The following ELP1 variants were observed in gnomAD, a reference collection of about 807,000 sequenced individuals.
ELP1 encodes the protein elongator complex protein 1.
Under a neutral mutation model 183.2 loss-of-function variants are expected in ELP1, and 131 were observed. The ratio of observed to expected loss-of-function variants is 0.72; its 90% CI spans 0.62 to 0.83. The LOEUF is 0.83. ELP1 is among the 40% of genes least tolerant of loss of function. ELP1 has a pLI of 0.00. For synonymous variants in ELP1, 555 were observed against 569.0 expected (o/e 0.98, Z 0.35); for missense variants, 1,550 against 1,594.9 (o/e 0.97, Z 0.48).
At chr9:108,907,124 T>A (rs1255181593) in intron 13 of ELP1, among the ~76,000 whole-genome samples, 1 of 152,174 alleles carries the variant, frequency 6.6e-6, no homozygotes, top group Non-Finnish European at 1.5e-5. Context: ...TGCATTCACA[T>A]AGAGTATCCC....
intron 9 of ELP1, among the ~76,000 whole-genome samples, chr9:108,916,977 C>G (rs1005574619): frequency 1.3e-5 from 2 of 152,130 alleles, no homozygotes; most frequent in Admixed American, 6.5e-5. Flanking sequence ...AAAAATTATG[C>G]TTTTGTCAAA....
At chr9:108,900,635 T>C (rs1006241064) in intron 18 of ELP1, among the ~76,000 whole-genome samples, 7 of 152,204 alleles carry the variant, frequency 4.6e-5, no homozygotes, top group Non-Finnish European at 5.9e-5. Context: ...CAGTTAAGAA[T>C]TGGGGCAACT....
chr9:108,872,640 T>C (rs1360776585), intron 36 of ELP1, among the ~76,000 whole-genome samples: 2 of 150,844 alleles, frequency 1.3e-5, no homozygotes. Flanking sequence ...CCGTCTCTAC[T>C]AAAAATACAA....
At chr9:108,900,148 C>T in intron 19 of ELP1, 112 bp downstream of exon 19, 1 of 857,934 alleles carries the variant, frequency 1.2e-6, no homozygotes. Context: ...GAAAGGTTTA[C>T]AATAAACGAT....
intron 6 of ELP1, among the ~76,000 whole-genome samples, chr9:108,921,618 G>A (rs11791845): frequency 0.22 from 33,212 of 151,726 alleles, 4,461 homozygotes; most frequent in East Asian, 0.3. Context: ...AAATCAGGGG[G>A]ACATGAAAAC....
At chr9:108,912,819 ATC>A (rs1258935991) in intron 10 of ELP1, among the ~76,000 whole-genome samples, 3 of 149,476 alleles carry the variant, frequency 2.0e-5, no homozygotes, top group African/African-American at 7.4e-5. Flanking sequence ...CAGTGGCGCA[ATC>A]TCGGCTCACT....
Position 108,900,009 on chromosome 9 carries a change from GCA to G in ELP1, c.2131-116_2131-115del, listed in dbSNP as rs373244817. On this transcript the variant is annotated intron_variant, in intron 19 of 36. Coordinates refer to ENST00000374647, the MANE Select transcript of ELP1 (RefSeq NM_003640.5). ...GAATTACCACAACTCTCTAAAATCA[GCA>G]CACTTTTAGCAGAATCTTGTTGTTC... The G allele has an allele frequency of 1.7e-5, 16 of 918,276 alleles. 1 individual carries two copies. The highest frequency in any genetic ancestry group is 1.3e-4 in the African/African-American group (8 of 60,696). The allele number at this position is 918,276 out of a possible 1,614,324, so 56.9% of individuals were successfully genotyped here.
intron 29 of ELP1, among the ~76,000 whole-genome samples, chr9:108,886,990 C>T (rs895208958): frequency 6.6e-6 from 1 of 151,608 alleles, no homozygotes; most frequent in Non-Finnish European, 1.5e-5. Flanking sequence ...AGGCGAATTG[C>T]TTGAATCCAA....
intron 29 of ELP1, among the ~76,000 whole-genome samples, chr9:108,889,068 T>C (rs1479214523): frequency 2.0e-5 from 3 of 152,206 alleles, no homozygotes; most frequent in Non-Finnish European, 4.4e-5. Context: ...CACAGCTACC[T>C]TGAGATGTAA....
At position 108,933,939 on chromosome 9, in the gene ELP1, C is replaced by T. The variant is rs1564112539; in HGVS notation, c.-131G>A. The T allele has an allele frequency of 6.3e-6, 1 of 158,652 alleles. No individual in the cohort carries two copies. Among genetic ancestry groups the T allele is most frequent in the Non-Finnish European group, 1.4e-5 (1 of 72,206 alleles). The allele number at this position is 158,652 out of a possible 1,614,324, so 9.8% of individuals were successfully genotyped here. On this transcript the variant is annotated 5_prime_UTR_variant, in exon 1 of 37. Transcript: ENST00000374647. ...GCAGCCGGCTACCCAGAGTCAGCTC[C>T]CACAGTCCGCACCCAGAGTCGGCTC... is the stretch of plus-strand genomic sequence containing the variant.
chr9:108,869,223 CTT>C, intron 36 of ELP1, 41 bp from the exon 37 acceptor site: 1 of 1,558,690 alleles, frequency 6.4e-7, no homozygotes, highest in African/African-American at 1.4e-5. Flanking sequence ...CAGACATACT[CTT>C]GTTGGAGGGC....
intron 28 of ELP1, 120 bp downstream of exon 28, chr9:108,891,083 C>A: frequency 1.1e-6 from 1 of 950,586 alleles, no homozygotes; most frequent in Non-Finnish European, 1.7e-6. Context: ...TAATTTTTAT[C>A]AGTGAGAACA....
chr9:108,917,786 AAT>A, intron 8 of ELP1, 116 bp from the exon 9 acceptor site: 1 of 1,136,930 alleles, frequency 8.8e-7, no homozygotes, highest in Non-Finnish European at 1.3e-6. Context: ...CGAATTAATG[AAT>A]ATCTTTATCC....
chr9:108,891,982 A>G (rs1460465441), intron 27 of ELP1, among the ~76,000 whole-genome samples: 1 of 152,204 alleles, frequency 6.6e-6, no homozygotes, highest in Non-Finnish European at 1.5e-5. Flanking sequence ...AGTGTGGAAG[A>G]GAACAGAAAA....
chr9:108,878,564 T>C (rs1827787208), intron 34 of ELP1, 59 bp downstream of exon 34: 2 of 1,609,590 alleles, frequency 1.2e-6, no homozygotes, highest in East Asian at 4.5e-5. Context: ...TCTGCCTGTC[T>C]GTACTGCCTA....
In ELP1 at chr9:108,879,497, C is replaced by A. The variant is rs143008686; in HGVS notation, c.3521G>T (p.Ser1174Ile). 2.5e-6 allele frequency: 4 copies of A among 1,614,090 alleles called. No homozygotes were observed. The Admixed American group carries it at 5.0e-5, about 20-fold the overall frequency. ...GTATTTGCCACTCATCTCACTGCCA[C>A]TCACGACACTGCTAGTTTCAGAGAA... ...DLFSETSSVVSGSEMSGKYSH... is the reference protein window; with the variant it reads ...DLFSETSSVVIGSEMSGKYSH... The change falls in exon 33 of 37, where the codon AGT (serine) becomes ATT (isoleucine). Residue 1174 changes from serine (S) to isoleucine (I), a missense_variant. Physicochemically the swap from Ser to Ile is moderately radical, Grantham distance 142. Transcript: ENST00000374647.
At chr9:108,878,772 T>A in intron 33 of ELP1, 22 bp from the exon 34 acceptor site, 3 of 1,612,916 alleles carry the variant, frequency 1.9e-6, no homozygotes, top group Non-Finnish European at 2.5e-6. Context: ...TACACAGATA[T>A]TTTTAAGCCT....
intron 14 of ELP1, 57 bp downstream of exon 14, chr9:108,906,246 G>T: frequency 1.3e-6 from 2 of 1,575,952 alleles, no homozygotes; most frequent in Non-Finnish European, 1.7e-6. Flanking sequence ...GCTCATAAAA[G>T]ACAAAAACCT....
In ELP1 at chr9:108,882,164, C is replaced by A. The variant is rs767800484; in HGVS notation, c.3246G>T (p.Leu1082Phe). The part of the protein sequence containing the change: ...CAQDYEEAVL[L>F]LLEGAAWEEA... The stretch of plus-strand genomic sequence containing the variant: ...CTTCCCAGGCAGCTCCTTCTAACAG[C>A]AAGAGCACAGCTTCTTCATAATCCT... The change falls in exon 30 of 37, where the codon TTG (leucine) becomes TTT (phenylalanine). Residue 1082 changes from leucine to phenylalanine, a missense_variant. Transcript: ENST00000374647. 1 of 1,613,460 alleles carries A rather than the reference C, an allele frequency of 6.2e-7. No individual in the cohort carries two copies. The highest frequency in any genetic ancestry group is 8.5e-7 in the Non-Finnish European group (1 of 1,179,852).
Sources: allele counts gnomAD v4.1 joint callset (sites outside exome capture counted in the v4.1 genomes callset), GRCh38; gene constraint gnomAD v4.1.1; transcripts MANE v1.5; gene names NCBI Gene and HGNC (gene_info 2026-07-23, HGNC 2026-07-21).